The following THBS1 variants were observed in gnomAD, a reference collection of about 807,000 sequenced individuals.
THBS1 encodes thrombospondin-1.
A neutral mutation model predicts 126.1 loss-of-function variants in THBS1; 29 were observed. The ratio of observed to expected loss-of-function variants is 0.23; its 90% CI spans 0.17 to 0.31. THBS1 has a LOEUF of 0.31. Among genes scored for constraint, THBS1 ranks in the 10% least tolerant of loss-of-function variants. The pLI is 1.00. For missense variants in THBS1, 1,198 were observed against 1,545.2 expected (o/e 0.78, Z 3.77); for synonymous variants, 496 against 577.8 (o/e 0.86, Z 2.03).
chr15:39,581,998 A>G, intron 2 of THBS1, 74 bp downstream of exon 2: 1 of 1,520,460 alleles, frequency 6.6e-7, no homozygotes, highest in Non-Finnish European at 9.1e-7. Context: ...GTGCCCCCTC[A>G]CGTGCTGTCC....
At chr15:39,590,957 T>C (rs548587021) in intron 14 of THBS1, 3 of 567,416 alleles carry the variant, frequency 5.3e-6, no homozygotes, top group Non-Finnish European at 9.2e-6. Flanking sequence ...TGAACTGAGA[T>C]GATGGGATTA....
Position 39,595,888 on chromosome 15 carries a change from T to A in THBS1, c.*519T>A. ...AAGAAAATATGGAGGAACTGTTACA[T>A]GTTCGGTACTAAGTCATTTTCAGGG... On this transcript the variant is annotated 3_prime_UTR_variant, in exon 22 of 22. Coordinates refer to ENST00000260356, the MANE Select transcript of THBS1 (RefSeq NM_003246.4). 1 of 456,280 alleles carries A rather than the reference T, an allele frequency of 2.2e-6. No individual in the cohort carries two copies. Among genetic ancestry groups the A allele is most frequent in the Non-Finnish European group, 4.4e-6 (1 of 226,948 alleles). The allele number at this position is 456,280 out of a possible 1,614,324, so 28.3% of individuals were successfully genotyped here.
In THBS1 at chr15:39,581,193, C is replaced by T. The variant is rs1238193171; in HGVS notation, c.-65C>T. ...GCCCCTCCAGCCCTCGCCGCCCTCGCCACCGCTCCCGGCCGCCGCGCTCCG... is the reference window on the plus strand; with the variant it reads ...GCCCCTCCAGCCCTCGCCGCCCTCGTCACCGCTCCCGGCCGCCGCGCTCCG... On this transcript the variant is annotated 5_prime_UTR_variant, in exon 1 of 22. Transcript: ENST00000260356. 1 of 154,676 alleles carries T rather than the reference C, an allele frequency of 6.5e-6. No homozygotes were observed. The highest frequency in any genetic ancestry group is 1.4e-5 in the Non-Finnish European group (1 of 69,516). 9.6% of individuals were successfully genotyped at this position (154,676 alleles called of 1,614,324 possible). A position where few individuals can be genotyped will look rare whatever the true frequency, so the allele number is the denominator to read the frequency against.
chr15:39,582,521 G>C lies in THBS1; in HGVS notation c.396G>C (p.Leu132=). The C allele has an allele frequency of 6.2e-7, 1 of 1,614,136 alleles. No individual in the cohort carries two copies. Among genetic ancestry groups the C allele is most frequent in the Non-Finnish European group, 8.5e-7 (1 of 1,180,012 alleles). Residue 132 remains leucine, a synonymous_variant, in exon 3 of 22, where the codon CTG becomes CTC. Transcript: ENST00000260356. ...AGGCGGGCACCCTGGACCTCAGCCT[G>C]ACCGTCCAAGGAAAGCAGCACGTGG... ...NGKAGTLDLS[L]TVQGKQHVVS... is the part of the protein sequence containing the mutation.
rs1323125804 is a variant in THBS1 at position 39,593,561 on chromosome 15, A to C, written c.3160A>C (p.Arg1054=). Residue 1054 remains arginine (R), a synonymous_variant, in exon 19 of 22, where the codon AGG becomes CGG. Coordinates refer to ENST00000260356, the MANE Select transcript of THBS1 (RefSeq NM_003246.4). This position sits in a 1 kb window ranked among gnomAD's most constrained non-coding sequence, Gnocchi z 5.9. ...GTCCTACTGGGACACCAACCCCACG[A>C]GGGCTCAGGGATACTCGGGCCTTTC... ...TQSYWDTNPT[R]AQGYSGLSVK... 3.1e-6 allele frequency: 5 copies of C among 1,614,086 alleles called. No homozygotes were observed. The African/African-American group carries it at 6.7e-5, about 22-fold the overall frequency.
At position 39,581,188 on chromosome 15, in the gene THBS1, C is replaced by A; in HGVS notation, c.-70C>A. ...CCCGCGCCCCTCCAGCCCTCGCCGCCCTCGCCACCGCTCCCGGCCGCCGCG... is the reference window on the plus strand; with the variant it reads ...CCCGCGCCCCTCCAGCCCTCGCCGCACTCGCCACCGCTCCCGGCCGCCGCG... On this transcript the variant is annotated 5_prime_UTR_variant, in exon 1 of 22. Transcript: ENST00000260356. The A allele has an allele frequency of 6.5e-6, 1 of 154,918 alleles. No homozygotes were observed. Among genetic ancestry groups the A allele is most frequent in the Non-Finnish European group, 1.4e-5 (1 of 69,550 alleles). The allele number at this position is 154,918 out of a possible 1,614,324, so 9.6% of individuals were successfully genotyped here. A position where few individuals can be genotyped will look rare whatever the true frequency, so the allele number is the denominator to read the frequency against.
rs1339729749 is a variant in THBS1 at position 39,593,577 on chromosome 15, C to T, written c.3176C>T (p.Ser1059Leu). 5.0e-6 allele frequency: 8 copies of T among 1,614,088 alleles called. No individual in the cohort carries two copies. Among genetic ancestry groups the T allele is most frequent in the Non-Finnish European group, 6.8e-6 (8 of 1,180,052 alleles). The change falls in exon 19 of 22, where the codon TCG (serine) becomes TTG (leucine). Residue 1059 changes from serine (S) to leucine (L), a missense_variant. Coordinates refer to ENST00000260356, the MANE Select transcript of THBS1 (RefSeq NM_003246.4). The surrounding 1 kb of genome is among the most constrained non-coding windows in gnomAD (Gnocchi z 5.9). ...DTNPTRAQGY[S>L]GLSVKVVNST... ...AACCCCACGAGGGCTCAGGGATACT[C>T]GGGCCTTTCTGTGAAAGTTGTAAAC...
Position 39,589,342 on chromosome 15 carries a change from G to T in THBS1, c.1914G>T (p.Thr638=), listed in dbSNP as rs746624357. 4 of 1,613,920 alleles carry T rather than the reference G, an allele frequency of 2.5e-6. No homozygotes were observed. In the South Asian group the frequency reaches 4.4e-5, roughly 18 times the overall value. Residue 638 remains threonine, a synonymous_variant, in exon 12 of 22, where the codon ACG becomes ACT. Coordinates refer to ENST00000260356, the MANE Select transcript of THBS1 (RefSeq NM_003246.4). The surrounding 1 kb of genome is among the most constrained non-coding windows in gnomAD (Gnocchi z 4.7). ...TCGGCCAGGGTGTCGAACATGCCAC[G>T]GCCAACAAACAGGTACAGTCAACTA... is the stretch of plus-strand genomic sequence containing the variant. ...QPFGQGVEHA[T]ANKQVCKPRN...
chr15:39,585,315 G>C (rs539903960), intron 6 of THBS1, among the ~76,000 whole-genome samples, 155 bp from the exon 7 acceptor site: 1 of 152,332 alleles, frequency 6.6e-6, no homozygotes, highest in East Asian at 1.9e-4. Context: ...AGTGGTGGCT[G>C]CAAATATGAC....
chr15:39,593,045 G>T lies in THBS1; in HGVS notation c.2813G>T (p.Ser938Ile). Residue 938 changes from serine to isoleucine, a missense_variant, in exon 18 of 22, where the codon AGT (serine) becomes ATT (isoleucine). Ser to Ile is a moderately radical substitution (Grantham distance 142). This residue lies in a region of THBS1 where 255 missense variants were observed against 373.9 expected (regional missense o/e 0.68). Transcript: ENST00000260356. The surrounding 1 kb of genome is among the most constrained non-coding windows in gnomAD (Gnocchi z 5.9). ...TGCAAAGATGATTTTGACCATGACA[G>T]TGTGCCAGACATCGATGACATCTGT... is the stretch of plus-strand genomic sequence containing the variant. ...DACKDDFDHD[S>I]VPDIDDICPE... 6.2e-7 allele frequency: 1 copy of T among 1,610,718 alleles called. No homozygotes were observed. The highest frequency in any genetic ancestry group is 8.5e-7 in the Non-Finnish European group (1 of 1,178,628).
Position 39,589,463 on chromosome 15 carries a change from C to A in THBS1, c.1926+109C>A. On this transcript the variant is annotated intron_variant, in intron 12 of 21. Coordinates refer to ENST00000260356, the MANE Select transcript of THBS1 (RefSeq NM_003246.4). This position sits in a 1 kb window ranked among gnomAD's most constrained non-coding sequence, Gnocchi z 4.7. ...ATACCCTTCACCAAAAAAAAAAGGG[C>A]GAGGAGATGAATGTACGGTCTAGTT... is the stretch of plus-strand genomic sequence containing the variant. 7.3e-7 allele frequency: 1 copy of A among 1,370,948 alleles called. No individual in the cohort carries two copies. Among genetic ancestry groups the A allele is most frequent in the Non-Finnish European group, 9.8e-7 (1 of 1,019,034 alleles). 84.9% of individuals were successfully genotyped at this position (1,370,948 alleles called of 1,614,324 possible).
intron 1 of THBS1, 158 bp from the exon 2 acceptor site, chr15:39,581,667 TCATG>T (rs373379883): frequency 3.6e-5 from 19 of 521,398 alleles, no homozygotes; most frequent in African/African-American, 5.8e-5. Flanking sequence ...TCTCTCTCTC[TCATG>T]CTCTCTGGAA....
chr15:39,593,100 T>C lies in THBS1; in HGVS notation c.2868T>C (p.Asp956=), dbSNP rs2228263. Residue 956 remains aspartate (D), a synonymous_variant, in exon 18 of 22, where the codon GAT becomes GAC. Transcript: ENST00000260356. This position sits in a 1 kb window ranked among gnomAD's most constrained non-coding sequence, Gnocchi z 5.9. ...CPENVDISET[D]FRRFQMIPLD... Reference sequence around the variant, plus strand: ...AGAATGTTGACATCAGTGAGACCGATTTCCGCCGATTCCAGATGATTCCTC... The same window carrying C: ...AGAATGTTGACATCAGTGAGACCGACTTCCGCCGATTCCAGATGATTCCTC... The C allele has an allele frequency of 0.16, 248,359 of 1,596,974 alleles. 20,807 individuals are homozygous for C. The highest frequency in any genetic ancestry group is 0.2 in the African/African-American group (15,077 of 74,356).
chr15:39,591,956 A>G (rs576939363), intron 16 of THBS1, among the ~76,000 whole-genome samples: 1 of 152,224 alleles, frequency 6.6e-6, no homozygotes, highest in Non-Finnish European at 1.5e-5. Context: ...AATATTAATC[A>G]TATGTAATAC....
chr15:39,588,522 A>G lies in THBS1; in HGVS notation c.1472-4A>G, dbSNP rs745444643. ...ATTGTTGCCTGTGGTTCATCTTCTT[A>G]CAGTCAATGGAGGCTGGGGTCCTTG... is the stretch of plus-strand genomic sequence containing the variant. On this transcript the variant is annotated splice_region_variant and splice_polypyrimidine_tract_variant and intron_variant, in intron 9 of 21. Coordinates refer to ENST00000260356, the MANE Select transcript of THBS1 (RefSeq NM_003246.4). 7 of 1,542,362 alleles carry G rather than the reference A, an allele frequency of 4.5e-6. No individual in the cohort carries two copies. Among genetic ancestry groups the G allele is most frequent in the Non-Finnish European group, 6.1e-6 (7 of 1,148,252 alleles).
chr15:39,583,391 G>A (rs74957463), intron 3 of THBS1, among the ~76,000 whole-genome samples: 5 of 152,300 alleles, frequency 3.3e-5, no homozygotes, highest in Admixed American at 2.0e-4. Flanking sequence ...GCTGATAACT[G>A]AATTCTTTGT....
At position 39,593,355 on chromosome 15, in the gene THBS1, G is replaced by T. The variant is rs1410151568; in HGVS notation, c.2996-42G>T. The T allele has an allele frequency of 6.8e-6, 11 of 1,613,054 alleles. No homozygotes were observed. Among genetic ancestry groups the T allele is most frequent in the Non-Finnish European group, 9.3e-6 (11 of 1,179,458 alleles). ...CTAGGAACATGATGGAGAACCTTCTGAAGGCTGCAGGTTTTAACCTGGCTC... is the reference window on the plus strand; with the variant it reads ...CTAGGAACATGATGGAGAACCTTCTTAAGGCTGCAGGTTTTAACCTGGCTC... On this transcript the variant is annotated intron_variant, in intron 18 of 21. Coordinates refer to ENST00000260356, the MANE Select transcript of THBS1 (RefSeq NM_003246.4). The surrounding 1 kb of genome is among the most constrained non-coding windows in gnomAD (Gnocchi z 5.9).
At chr15:39,581,949 G>A in intron 2 of THBS1, 25 bp downstream of exon 2, 2 of 1,613,266 alleles carry the variant, frequency 1.2e-6, no homozygotes, top group Non-Finnish European at 8.5e-7. Context: ...CACCTTTAGG[G>A]GAAGGAGGGA....
intron 16 of THBS1, 130 bp downstream of exon 16, chr15:39,591,753 A>G: frequency 1.2e-6 from 1 of 812,912 alleles, no homozygotes; most frequent in Non-Finnish European, 2.1e-6. Flanking sequence ...CTCATAGCCA[A>G]CTGGAATACG....
Sources: allele counts gnomAD v4.1 joint callset (sites outside exome capture counted in the v4.1 genomes callset), GRCh38; gene constraint gnomAD v4.1.1; regional missense constraint gnomAD v4.1.1; non-coding constraint Gnocchi (gnomAD v3.1); transcripts MANE v1.5; gene names NCBI Gene and HGNC (gene_info 2026-07-23, HGNC 2026-07-21).